Variants in FBLN1 observed in about 807,000 individuals in gnomAD.
FBLN1 encodes the protein fibulin 1.
In FBLN1, 34 loss-of-function variants were observed where a neutral mutation model predicts 89.7. The observed-to-expected ratio is 0.38, with a 90% CI of 0.29 to 0.50. FBLN1 has a LOEUF of 0.50. Ranked by LOEUF, FBLN1 falls within the 20% of genes least tolerant of loss-of-function variation. FBLN1 has a pLI of 0.92. For missense variants in FBLN1, 777 were observed against 988.1 expected, an observed-to-expected ratio of 0.79 and a Z score of 2.86; for synonymous variants, 393 against 391.3, an observed-to-expected ratio of 1.00 and a Z score of -0.05.
intron 13 of FBLN1, 131 bp downstream of exon 13, chr22:45,548,875 GA>G: frequency 7.0e-7 from 1 of 1,428,928 alleles, no homozygotes. Flanking sequence ...ATGCATTCAG[GA>G]AAAGGAGGCC....
intron 16 of FBLN1, among the ~76,000 whole-genome samples, chr22:45,593,829 C>T (rs1213741970): frequency 6.6e-6 from 1 of 152,216 alleles, no homozygotes; most frequent in East Asian, 1.9e-4. Flanking sequence ...TCTTCTTCTT[C>T]TGCCTTCATC....
rs1209971114 is a variant in FBLN1 at position 45,575,871 on chromosome 22, C to T, written c.1841-1106C>T. 6.6e-6 allele frequency among the ~76,000 whole-genome samples: 1 copy of T among 152,174 alleles called. No individual in the cohort carries two copies. Among genetic ancestry groups the T allele is most frequent in the Non-Finnish European group, 1.5e-5 (1 of 68,024 alleles). ...CTAGGGAGTCCCTATCCCTGGCCTG[C>T]GGAGAAGCATGCCATGATGAGTTCA... is the stretch of plus-strand genomic sequence containing the variant. On this transcript the variant is annotated intron_variant, in intron 15 of 16. Transcript: ENST00000327858. The surrounding 1 kb of genome is among the most constrained non-coding windows in gnomAD (Gnocchi z 6.3).
intron 16 of FBLN1, among the ~76,000 whole-genome samples, chr22:45,592,488 C>T (rs1314728851): frequency 6.6e-6 from 1 of 152,224 alleles, no homozygotes; most frequent in East Asian, 1.9e-4. Context: ...CCACCATGCC[C>T]AGCTAATTTT....
chr22:45,522,906 A>T (rs2088269082), intron 2 of FBLN1, among the ~76,000 whole-genome samples: 1 of 152,164 alleles, frequency 6.6e-6, no homozygotes. Context: ...CGTTCTGGTG[A>T]GTGGGGATCA....
At chr22:45,513,731 G>A (rs960182562) in intron 1 of FBLN1, among the ~76,000 whole-genome samples, 1 of 152,046 alleles carries the variant, frequency 6.6e-6, no homozygotes. Context: ...GGACCTCATA[G>A]GTACTCTTAT....
In FBLN1 at chr22:45,532,741, C is replaced by T. The variant is rs2088425187; in HGVS notation, c.545-322C>T. Among the ~76,000 whole-genome samples the T allele has an allele frequency of 6.6e-6, 1 of 152,134 alleles. No individual in the cohort carries two copies. Among genetic ancestry groups the T allele is most frequent in the Admixed American group, 6.5e-5 (1 of 15,286 alleles). On this transcript the variant is annotated intron_variant, in intron 5 of 16. Coordinates refer to ENST00000327858, the MANE Select transcript of FBLN1 (RefSeq NM_006486.3). This position sits in a 1 kb window ranked among gnomAD's most constrained non-coding sequence, Gnocchi z 4.2. ...GGCCTGGCCTTCCACGTGGAGCCCA[C>T]ACCCCCATGTCTGTGACCGGCAGTG...
intron 4 of FBLN1, among the ~76,000 whole-genome samples, chr22:45,529,027 C>G (rs141006029): frequency 2.5e-3 from 388 of 152,324 alleles, no homozygotes; most frequent in African/African-American, 9.1e-3. Flanking sequence ...GGGTAGAGCA[C>G]CTGGCCCCAT....
At chr22:45,571,239 AAC>A (rs1211639160) in intron 14 of FBLN1, among the ~76,000 whole-genome samples, 1 of 152,206 alleles carries the variant, frequency 6.6e-6, no homozygotes, top group Admixed American at 6.5e-5. Context: ...CTTTGACAGC[AAC>A]ACTTTATGCT....
In FBLN1 at chr22:45,531,409, C is replaced by T; in HGVS notation, c.544+85C>T. 1 of 1,197,346 alleles carries T rather than the reference C, an allele frequency of 8.4e-7. No homozygotes were observed. Among genetic ancestry groups the T allele is most frequent in the Non-Finnish European group, 1.2e-6 (1 of 804,218 alleles). 74.2% of individuals were successfully genotyped at this position (1,197,346 alleles called of 1,614,324 possible). On this transcript the variant is annotated intron_variant, in intron 5 of 16. Transcript: ENST00000327858. The surrounding 1 kb of genome is among the most constrained non-coding windows in gnomAD (Gnocchi z 4.9). ...GTGGCTCAGGCCTGTAATCCTAGTA[C>T]TTTGGGAAGCCAAGGCAGGAGGATT... is the stretch of plus-strand genomic sequence containing the variant.
At chr22:45,533,736 C>A in intron 6 of FBLN1, 25 bp from the exon 7 acceptor site, 6 of 1,607,602 alleles carry the variant, frequency 3.7e-6, no homozygotes, top group Non-Finnish European at 3.4e-6. Context: ...GCTGGTCACC[C>A]CCGCACTGCC....
In FBLN1 at chr22:45,600,822, C is replaced by G; in HGVS notation, c.*376C>G. Reference sequence around the variant, plus strand: ...CTTGCCCTGATTGTATGAAATTTGACATTTTGGCACTTTTTTTTTTTTTTT... The same window carrying G: ...CTTGCCCTGATTGTATGAAATTTGAGATTTTGGCACTTTTTTTTTTTTTTT... On this transcript the variant is annotated 3_prime_UTR_variant, in exon 17 of 17. Transcript: ENST00000327858. The G allele has an allele frequency of 3.4e-6, 1 of 296,850 alleles. No individual in the cohort carries two copies. Among genetic ancestry groups the G allele is most frequent in the South Asian group, 3.4e-5 (1 of 29,440 alleles). 18.4% of individuals were successfully genotyped at this position (296,850 alleles called of 1,614,324 possible). A position where few individuals can be genotyped will look rare whatever the true frequency, so the allele number is the denominator to read the frequency against.
In FBLN1 at chr22:45,525,547, G is replaced by A. The variant is rs761714606; in HGVS notation, c.190G>A (p.Val64Met). 2 of 1,549,134 alleles carry A rather than the reference G, an allele frequency of 1.3e-6. No homozygotes were observed. Among genetic ancestry groups the A allele is most frequent in the African/African-American group, 2.7e-5 (2 of 72,994 alleles). ...YATESKECRM[V>M]QEQCCHSQLE... ...CAGCCCACCCCTCACCCACAGGATG[G>A]TGCAGGAGCAGTGCTGCCACAGCCA... The change falls in exon 3 of 17, where the codon GTG (valine) becomes ATG (methionine). Residue 64 changes from valine to methionine, a missense_variant. Val to Met is a conservative substitution (Grantham distance 21, BLOSUM62 1). Transcript: ENST00000327858.
chr22:45,524,308 A>G (rs2088290908), intron 2 of FBLN1, among the ~76,000 whole-genome samples: 1 of 152,052 alleles, frequency 6.6e-6, no homozygotes. Flanking sequence ...AGCTGGGGTT[A>G]TTTTGGGTCT....
At chr22:45,570,651 C>T (rs2088945702) in intron 14 of FBLN1, among the ~76,000 whole-genome samples, 1 of 152,044 alleles carries the variant, frequency 6.6e-6, no homozygotes, top group South Asian at 2.1e-4. Flanking sequence ...AATAGGACTC[C>T]CTGCAGAAGA....
chr22:45,548,117 C>A (rs138133869), intron 12 of FBLN1, among the ~76,000 whole-genome samples: 4 of 152,308 alleles, frequency 2.6e-5, no homozygotes, highest in Non-Finnish European at 5.9e-5. Context: ...GGTACAAACA[C>A]GGCTCACTGC....
chr22:45,553,997 G>A (rs191999895), intron 14 of FBLN1, among the ~76,000 whole-genome samples: 1 of 152,326 alleles, frequency 6.6e-6, no homozygotes, highest in East Asian at 1.9e-4. Flanking sequence ...GCGTGTGCGC[G>A]TGCTTGTGTG....
chr22:45,529,240 G>A (rs574462929), intron 4 of FBLN1, among the ~76,000 whole-genome samples: 17 of 152,332 alleles, frequency 1.1e-4, no homozygotes, highest in Non-Finnish European at 1.9e-4. Flanking sequence ...AGCAGCTGGG[G>A]GCCATCGCTG....
chr22:45,576,323 C>T lies in FBLN1; in HGVS notation c.1841-654C>T, dbSNP rs115159519. Among the ~76,000 whole-genome samples the T allele has an allele frequency of 3.0e-3, 454 of 152,240 alleles. 2 individuals carry two copies. Among genetic ancestry groups the T allele is most frequent in the African/African-American group, 0.01 (428 of 41,522 alleles). Reference sequence around the variant, plus strand: ...GTTGGTTATCGCAGGGAGCCGAGTGCCGTTGGGACACCTGTTAGCATCTTG... The same window carrying T: ...GTTGGTTATCGCAGGGAGCCGAGTGTCGTTGGGACACCTGTTAGCATCTTG... On this transcript the variant is annotated intron_variant, in intron 15 of 16. Coordinates refer to ENST00000327858, the MANE Select transcript of FBLN1 (RefSeq NM_006486.3). The surrounding 1 kb of genome is among the most constrained non-coding windows in gnomAD (Gnocchi z 5.2).
rs1391392540 is a variant in FBLN1, at chr22:45,577,021, C to T, written c.1885C>T (p.Gln629Ter). The change falls in exon 16 of 17, where the codon CAG becomes TAG. Residue 629 changes from glutamine (Q) to a stop codon, truncating the protein, a stop_gained. Coordinates refer to ENST00000327858, the MANE Select transcript of FBLN1 (RefSeq NM_006486.3). LOFTEE classifies it high-confidence loss of function. This position sits in a 1 kb window ranked among gnomAD's most constrained non-coding sequence, Gnocchi z 6.6. ...CATCACGCCACCGCATCCTGCCAGC[C>T]AGGCTAACATCATCTTCGACATCAC... is the stretch of plus-strand genomic sequence containing the variant. ...RAITPPHPAS[Q>*]ANIIFDITEG... 6.2e-7 allele frequency: 1 copy of T among 1,614,176 alleles called. No individual in the cohort carries two copies. Among genetic ancestry groups the T allele is most frequent in the Admixed American group, 1.7e-5 (1 of 60,030 alleles).
Sources: gnomAD v4.1 joint callset for allele counts (sites outside exome capture counted in the v4.1 genomes callset) on GRCh38, gnomAD v4.1.1 for gene constraint, Gnocchi (gnomAD v3.1) non-coding constraint, MANE v1.5 for transcripts, NCBI Gene and HGNC (gene_info 2026-07-23, HGNC 2026-07-21) for gene names.